Variants in PMFBP1 observed in about 807,000 individuals in gnomAD.
The protein encoded by PMFBP1 is polyamine modulated factor 1 binding protein 1, also known as polyamine-modulated factor 1-binding protein 1.
In PMFBP1, 131 loss-of-function variants were observed where a neutral mutation model predicts 137.8. The observed-to-expected ratio is 0.95, with a 90% CI of 0.82 to 1.10. PMFBP1 has a LOEUF of 1.10. Ranked by LOEUF, PMFBP1 falls within the 50% of genes least tolerant of loss-of-function variation. The pLI is 0.00. For missense variants in PMFBP1, 1,199 were observed against 1,175.4 expected, an observed-to-expected ratio of 1.02 and a Z score of -0.29; for synonymous variants, 490 against 450.4, an observed-to-expected ratio of 1.09 and a Z score of -1.11.
rs190145892 is a variant in PMFBP1, at chr16:72,147,465, C to T, written c.636+3143G>A. The stretch of plus-strand genomic sequence containing the variant: ...ATACCGTTCAGGACATAGGCACGGG[C>T]AAAGACTTCATGACTAAAACACCAA... On this transcript the variant is annotated intron_variant, in intron 5 of 20. Coordinates refer to ENST00000237353, the MANE Select transcript of PMFBP1 (RefSeq NM_031293.3). Among the ~76,000 whole-genome samples the T allele has an allele frequency of 2.0e-5, 3 of 152,236 alleles. No individual in the cohort carries two copies. The East Asian group carries it at 5.8e-4, about 29-fold the overall frequency.
At position 72,129,270 on chromosome 16, in the gene PMFBP1, G is replaced by A. The variant is rs1489089372; in HGVS notation, c.1783-37C>T. The A allele has an allele frequency of 1.9e-6, 3 of 1,590,210 alleles. No homozygotes were observed. The Admixed American group carries it at 5.3e-5, about 28-fold the overall frequency. ...AAGACTGAGCTGAAAGACTGTCTTAGACTATATTATATTTGGGGGAAAAAT... is the reference window on the plus strand; with the variant it reads ...AAGACTGAGCTGAAAGACTGTCTTAAACTATATTATATTTGGGGGAAAAAT... On this transcript the variant is annotated intron_variant, in intron 12 of 20. Transcript: ENST00000237353.
At chr16:72,225,922 T>C in the PMFBP1 span, among the ~76,000 whole-genome samples, 1 of 129,866 alleles carries the variant, frequency 7.7e-6, no homozygotes, top group African/African-American at 3.1e-5. Flanking sequence ...CACACATGCA[T>C]GCACACTCAC....
chr16:72,223,613 A>G, the PMFBP1 span, among the ~76,000 whole-genome samples: 50 of 152,268 alleles, frequency 3.3e-4, no homozygotes, highest in Middle Eastern at 6.8e-3. Flanking sequence ...AGAATAAAAG[A>G]CTTCCTAGGT....
the PMFBP1 span, among the ~76,000 whole-genome samples, chr16:72,214,832 A>G: frequency 6.6e-6 from 1 of 152,228 alleles, no homozygotes; most frequent in African/African-American, 2.4e-5. Flanking sequence ...AGAGGAATAT[A>G]AAAGGGACTT....
At chr16:72,249,284 G>A in the PMFBP1 span, among the ~76,000 whole-genome samples, 1 of 150,872 alleles carries the variant, frequency 6.6e-6, no homozygotes, top group Admixed American at 6.6e-5. Context: ...CAGGACTTTT[G>A]ATAATATATT....
chr16:72,135,047 AC>A (rs1406569843), intron 9 of PMFBP1, among the ~76,000 whole-genome samples: 1 of 152,042 alleles, frequency 6.6e-6, no homozygotes, highest in East Asian at 1.9e-4. Context: ...ATAACTCAAA[AC>A]TGTTTACGCA....
chr16:72,157,208 A>C lies in PMFBP1; in HGVS notation c.166-2749T>G, dbSNP rs111988515. ...CAAAAAAAAAAAAAAAAAAAAAAAAAAAACCAGACAAAATCCCGACTTTGT... is the reference window on the plus strand; with the variant it reads ...CAAAAAAAAAAAAAAAAAAAAAAAACAAACCAGACAAAATCCCGACTTTGT... On this transcript the variant is annotated intron_variant, in intron 3 of 20. Transcript: ENST00000237353. Among the ~76,000 whole-genome samples the C allele has an allele frequency of 4.2e-5, 5 of 119,706 alleles. No individual in the cohort carries two copies. In the East Asian group the frequency reaches 1.0e-3, roughly 24 times the overall value. The allele number at this position is 119,706 out of a possible 152,430, so 78.5% of individuals were successfully genotyped here. A position where few individuals can be genotyped will look rare whatever the true frequency, so the allele number is the denominator to read the frequency against.
At chr16:72,169,906 GT>G (rs1362973554) in intron 2 of PMFBP1, among the ~76,000 whole-genome samples, 2 of 152,088 alleles carry the variant, frequency 1.3e-5, no homozygotes, top group Non-Finnish European at 2.9e-5. Flanking sequence ...CTAGATTAGT[GT>G]TTGCCATAAA....
chr16:72,137,417 G>A (rs2042648623), intron 7 of PMFBP1, among the ~76,000 whole-genome samples: 1 of 152,216 alleles, frequency 6.6e-6, no homozygotes. Context: ...TGCTATGGGG[G>A]AAACAGAAGA....
chr16:72,143,520 A>T (rs1165047522), intron 5 of PMFBP1, among the ~76,000 whole-genome samples: 1 of 152,096 alleles, frequency 6.6e-6, no homozygotes, highest in Non-Finnish European at 1.5e-5. Context: ...AGGTGGGAAG[A>T]TCACTTGAGG....
chr16:72,146,628 T>A (rs2042811412), intron 5 of PMFBP1, among the ~76,000 whole-genome samples: 1 of 152,154 alleles, frequency 6.6e-6, no homozygotes, highest in Non-Finnish European at 1.5e-5. Flanking sequence ...GAAAACCCCA[T>A]CGTCTCAGCC....
chr16:72,245,602 A>G, the PMFBP1 span, among the ~76,000 whole-genome samples: 1 of 152,210 alleles, frequency 6.6e-6, no homozygotes, highest in Non-Finnish European at 1.5e-5. Context: ...AATCATGGCA[A>G]TGGCTGACGA....
At chr16:72,233,083 T>C in the PMFBP1 span, among the ~76,000 whole-genome samples, 2 of 152,252 alleles carry the variant, frequency 1.3e-5, no homozygotes, top group African/African-American at 4.8e-5. Flanking sequence ...AAATCATTTC[T>C]ATAAGTTGCT....
In PMFBP1 at chr16:72,163,654, G is replaced by C. The variant is rs1343460295; in HGVS notation, c.165+1110C>G. Among the ~76,000 whole-genome samples, 4 of 152,254 alleles carry C rather than the reference G, an allele frequency of 2.6e-5. No homozygotes were observed. In the South Asian group the frequency reaches 8.3e-4, roughly 32 times the overall value. On this transcript the variant is annotated intron_variant, in intron 3 of 20. Transcript: ENST00000237353. The stretch of plus-strand genomic sequence containing the variant: ...AAGGAAGGGAAGGAAGCAGATAAAA[G>C]GTGTGTCCACTCATTGATTGATGGG...
At chr16:72,140,221 A>G (rs1006147152) in intron 6 of PMFBP1, among the ~76,000 whole-genome samples, 191 bp downstream of exon 6, 7 of 152,170 alleles carry the variant, frequency 4.6e-5, no homozygotes, top group African/African-American at 1.7e-4. Context: ...ATTCTTTAGA[A>G]TCTCACACTA....
At chr16:72,142,646 A>G (rs1173699865) in intron 5 of PMFBP1, among the ~76,000 whole-genome samples, 2 of 152,250 alleles carry the variant, frequency 1.3e-5, no homozygotes, top group Non-Finnish European at 2.9e-5. Flanking sequence ...ATATTGAGAA[A>G]TTGTGCCACC....
At chr16:72,174,765 AG>A (rs2144541826), upstream of PMFBP1, among the ~76,000 whole-genome samples, 1 of 152,288 alleles carries the variant, frequency 6.6e-6, no homozygotes, top group East Asian at 1.9e-4. Flanking sequence ...AGATCTCGTG[AG>A]AACTCATTCA....
chr16:72,145,099 C>T (rs571904462), intron 5 of PMFBP1, among the ~76,000 whole-genome samples: 153 of 152,334 alleles, frequency 1.0e-3, no homozygotes, highest in Non-Finnish European at 1.0e-3. Flanking sequence ...CACCACATCA[C>T]ACTTATTCTA....
the PMFBP1 span, among the ~76,000 whole-genome samples, chr16:72,200,601 C>T: frequency 6.6e-6 from 1 of 152,206 alleles, no homozygotes; most frequent in Non-Finnish European, 1.5e-5. Context: ...GCATTTTATT[C>T]CTGATGAATT....
Sources: gnomAD v4.1 joint callset for allele counts (sites outside exome capture counted in the v4.1 genomes callset) on GRCh38, gnomAD v4.1.1 for gene constraint, MANE v1.5 for transcripts, NCBI Gene and HGNC (gene_info 2026-07-23, HGNC 2026-07-21) for gene names.